The following ZNF207 variants were observed in gnomAD, a reference collection of about 807,000 sequenced individuals.
ZNF207 encodes the protein zinc finger protein 207, also known as BUB3-interacting and GLEBS motif-containing protein ZNF207.
In ZNF207, 24 loss-of-function variants were observed where a neutral mutation model predicts 60.2. The observed-to-expected ratio is 0.40, with a 90% CI of 0.29 to 0.56. The LOEUF (loss-of-function observed/expected upper bound fraction) is 0.56. Among genes scored for constraint, ZNF207 ranks in the 20% least tolerant of loss-of-function variants. The pLI, the probability that ZNF207 is intolerant of heterozygous loss-of-function variation, is 0.49. For synonymous variants in ZNF207, 236 were observed against 194.7 expected, an observed-to-expected ratio of 1.21 and a Z score of -1.77; for missense variants, 452 against 636.6, an observed-to-expected ratio of 0.71 and a Z score of 3.12.
In ZNF207 at chr17:32,373,320, A is replaced by T; in HGVS notation, c.*3561A>T. ...GCTTGCTTGATCATTGGGATTTTTA[A>T]AAAAAAAAATTTTAATGCATGTCTT... On this transcript the variant is annotated 3_prime_UTR_variant, in exon 12 of 12. Transcript: ENST00000394670. 1 of 626,296 alleles carries T rather than the reference A, an allele frequency of 1.6e-6. No individual in the cohort carries two copies. The highest frequency in any genetic ancestry group is 2.8e-5 in the East Asian group (1 of 36,228). The allele number at this position is 626,296 out of a possible 1,614,324, so 38.8% of individuals were successfully genotyped here.
Position 32,381,318 on chromosome 17 carries a change from GTAT to G in ZNF207, c.*11565_*11567del, listed in dbSNP as rs1446431756. 1 of 152,190 alleles carries G rather than the reference GTAT, an allele frequency of 6.6e-6. No homozygotes were observed. The highest frequency in any genetic ancestry group is 1.9e-4 in the East Asian group (1 of 5,204). 9.4% of individuals were successfully genotyped at this position (152,190 alleles called of 1,614,324 possible). ...AAGCATGATAAATGTTAGTCCATGT[GTAT>G]TATTAAATGGTCTAAAGAAAAATCA... is the stretch of plus-strand genomic sequence containing the variant. On this transcript the variant is annotated 3_prime_UTR_variant, in exon 12 of 12. Coordinates refer to ENST00000394670, the MANE Select transcript of ZNF207 (RefSeq NM_001098507.2).
rs1368307791 is a variant in ZNF207 at position 32,369,900 on chromosome 17, A to C, written c.*141A>C. ...TCCCACATACCAGGAACTATTGGAC[A>C]TTTATTTTACATGGGAAAAATTATT... On this transcript the variant is annotated 3_prime_UTR_variant, in exon 12 of 12. Transcript: ENST00000394670. 1.0e-6 allele frequency: 1 copy of C among 989,082 alleles called. No homozygotes were observed. The highest frequency in any genetic ancestry group is 1.3e-6 in the Non-Finnish European group (1 of 755,360). 61.3% of individuals were successfully genotyped at this position (989,082 alleles called of 1,614,324 possible). A position where few individuals can be genotyped will look rare whatever the true frequency, so the allele number is the denominator to read the frequency against.
rs1905793974 is a variant in ZNF207, at chr17:32,379,296, A to G, written c.*9537A>G. ...GGACACTTTGATTAAAGAGGTGAGC[A>G]CTCTGAATTTCTACATCTTTGGATA... On this transcript the variant is annotated 3_prime_UTR_variant, in exon 12 of 12. Coordinates refer to ENST00000394670, the MANE Select transcript of ZNF207 (RefSeq NM_001098507.2). 6.6e-6 allele frequency: 1 copy of G among 152,046 alleles called. No individual in the cohort carries two copies. The highest frequency in any genetic ancestry group is 1.5e-5 in the Non-Finnish European group (1 of 67,930). The allele number at this position is 152,046 out of a possible 1,614,324, so 9.4% of individuals were successfully genotyped here.
intron 2 of ZNF207, among the ~76,000 whole-genome samples, chr17:32,353,694 CG>C (rs1429071570): frequency 1.3e-5 from 1 of 78,014 alleles, no homozygotes. Context: ...GGGCTGGGGG[CG>C]GGGGGCGCGA....
chr17:32,352,605 C>A (rs1415866334), intron 2 of ZNF207, among the ~76,000 whole-genome samples: 1 of 152,198 alleles, frequency 6.6e-6, no homozygotes, highest in African/African-American at 2.4e-5. Flanking sequence ...TTACTCACTG[C>A]CATTGAAGGA....
chr17:32,361,008 G>A, intron 5 of ZNF207, 41 bp downstream of exon 5: 1 of 1,590,626 alleles, frequency 6.3e-7, no homozygotes, highest in East Asian at 2.2e-5. Context: ...CTTGTGCCTA[G>A]TAATGATCTT....
Position 32,370,478 on chromosome 17 carries a change from T to G in ZNF207, c.*719T>G, listed in dbSNP as rs1905418876. 1.3e-5 allele frequency: 2 copies of G among 152,384 alleles called. No homozygotes were observed. Among genetic ancestry groups the G allele is most frequent in the Admixed American group, 1.3e-4 (2 of 15,290 alleles). 9.4% of individuals were successfully genotyped at this position (152,384 alleles called of 1,614,324 possible). On this transcript the variant is annotated 3_prime_UTR_variant, in exon 12 of 12. Transcript: ENST00000394670. The stretch of plus-strand genomic sequence containing the variant: ...TTGATATATCATTGGATTCTGTCTT[T>G]GAGTTGTAGGTTATTTCTTAGCTGC...
At chr17:32,356,455 T>A (rs1904509579) in intron 2 of ZNF207, among the ~76,000 whole-genome samples, 1 of 152,216 alleles carries the variant, frequency 6.6e-6, no homozygotes, top group Admixed American at 6.5e-5. Flanking sequence ...ATATAAGGAA[T>A]AGCTTTTAAC....
rs747663190 is a variant in ZNF207, at chr17:32,362,925, T to C, written c.611T>C (p.Met204Thr). Reference protein sequence around the residue: ...SFCGENIMMPMGGMMPPGPGI... With the variant: ...SFCGENIMMPTGGMMPPGPGI... Reference sequence around the variant, plus strand: ...TTGCTTTCTAATAGAATGATGCCAATGGGTGGAATGATGCCACCTGGACCA... The same window carrying C: ...TTGCTTTCTAATAGAATGATGCCAACGGGTGGAATGATGCCACCTGGACCA... Residue 204 changes from methionine (M) to threonine (T), a missense_variant, in exon 7 of 12, where the codon ATG becomes ACG. Met to Thr is a moderately conservative substitution (Grantham distance 81). Around this residue, in one of 2 missense-constraint regions of ZNF207, gnomAD observed 390 missense variants for 461.4 expected, o/e 0.85. Transcript: ENST00000394670. 5 of 1,613,442 alleles carry C rather than the reference T, an allele frequency of 3.1e-6. No homozygotes were observed. The South Asian group carries it at 5.5e-5, about 18-fold the overall frequency.
intron 5 of ZNF207, 155 bp from the exon 6 acceptor site, chr17:32,361,313 T>TTA: frequency 1.7e-6 from 1 of 599,504 alleles, no homozygotes; most frequent in Non-Finnish European, 2.8e-6. Context: ...TGTAAATGAT[T>TTA]TATTTGTCAA....
At chr17:32,353,008 T>C (rs1249886553) in intron 2 of ZNF207, among the ~76,000 whole-genome samples, 2 of 152,198 alleles carry the variant, frequency 1.3e-5, no homozygotes, top group Non-Finnish European at 2.9e-5. Context: ...ACCCCATCTC[T>C]ACTAAAGATA....
intron 2 of ZNF207, among the ~76,000 whole-genome samples, chr17:32,355,947 G>A (rs1014857719): frequency 1.3e-5 from 2 of 152,186 alleles, no homozygotes; most frequent in African/African-American, 4.8e-5. Context: ...GAGAGGAAGC[G>A]AAGGCATTCT....
rs1567834552 is a variant in ZNF207 at position 32,379,050 on chromosome 17, A to G, written c.*9291A>G. ...TTTTAAAACATGGATTTATCAACTG[A>G]TAATAAAATATATCTTACAAGATAA... is the stretch of plus-strand genomic sequence containing the variant. On this transcript the variant is annotated 3_prime_UTR_variant, in exon 12 of 12. Coordinates refer to ENST00000394670, the MANE Select transcript of ZNF207 (RefSeq NM_001098507.2). 1 of 152,126 alleles carries G rather than the reference A, an allele frequency of 6.6e-6. No homozygotes were observed. The highest frequency in any genetic ancestry group is 1.5e-5 in the Non-Finnish European group (1 of 67,948). The allele number at this position is 152,126 out of a possible 1,614,324, so 9.4% of individuals were successfully genotyped here. A position where few individuals can be genotyped will look rare whatever the true frequency, so the allele number is the denominator to read the frequency against.
At chr17:32,350,994 T>C (rs1187053016) in intron 1 of ZNF207, 1 of 152,660 alleles carries the variant, frequency 6.6e-6, no homozygotes, top group Non-Finnish European at 1.5e-5. Context: ...AGGAAAACTC[T>C]TACTACAGTG....
At chr17:32,367,253 A>ACATATATATATATATATATATG (rs1905217534) in intron 9 of ZNF207, among the ~76,000 whole-genome samples, 6 of 91,476 alleles carry the variant, frequency 6.6e-5, no homozygotes, top group Non-Finnish European at 1.3e-4. Flanking sequence ...ATATATATAT[A>ACATATATATATATATATATATG]TATATATATA....
intron 7 of ZNF207, among the ~76,000 whole-genome samples, chr17:32,363,350 A>G (rs758299220): frequency 6.6e-5 from 10 of 151,962 alleles, no homozygotes; most frequent in African/African-American, 2.4e-4. Flanking sequence ...GGCCTCCCAA[A>G]GTGCTGGGAT....
intron 3 of ZNF207, 45 bp downstream of exon 3, chr17:32,358,686 ATT>A (rs368787491): frequency 2.3e-4 from 241 of 1,033,426 alleles, no homozygotes; most frequent in South Asian, 4.4e-4. Flanking sequence ...ATTTTTTTTA[ATT>A]TTTTTTTTTT....
chr17:32,365,560 A>T, intron 8 of ZNF207, 73 bp downstream of exon 8: 6 of 1,379,714 alleles, frequency 4.3e-6, no homozygotes, highest in Non-Finnish European at 5.7e-6. Flanking sequence ...GAAGTCTTTG[A>T]AATTTTCATA....
rs1597802941 is a variant in ZNF207 at position 32,376,674 on chromosome 17, C to T, written c.*6915C>T. 1 of 152,016 alleles carries T rather than the reference C, an allele frequency of 6.6e-6. No individual in the cohort carries two copies. Among genetic ancestry groups the T allele is most frequent in the East Asian group, 1.9e-4 (1 of 5,196 alleles). The allele number at this position is 152,016 out of a possible 1,614,324, so 9.4% of individuals were successfully genotyped here. A position where few individuals can be genotyped will look rare whatever the true frequency, so the allele number is the denominator to read the frequency against. ...AAGCAAATTGAACACTATTATAAAT[C>T]TAGACTGGCTAATTAGATGGAAACT... On this transcript the variant is annotated 3_prime_UTR_variant, in exon 12 of 12. Transcript: ENST00000394670.
Sources: allele counts gnomAD v4.1 joint callset (sites outside exome capture counted in the v4.1 genomes callset), GRCh38; gene constraint gnomAD v4.1.1; regional missense constraint gnomAD v4.1.1; transcripts MANE v1.5; gene names NCBI Gene and HGNC (gene_info 2026-07-23, HGNC 2026-07-21).